The following WDPCP variants were observed in gnomAD, a reference collection of about 807,000 sequenced individuals.
WDPCP encodes WD repeat containing planar cell polarity effector, also known as WD repeat-containing and planar cell polarity effector protein fritz homolog.
WDPCP carries 71 observed loss-of-function variants against 93.1 expected under a neutral mutation model. The ratio of observed to expected loss-of-function variants is 0.76; its 90% CI spans 0.63 to 0.93. The LOEUF (loss-of-function observed/expected upper bound fraction) is 0.93. Among genes scored for constraint, WDPCP ranks in the 40% least tolerant of loss-of-function variants. The pLI is 0.00. For synonymous variants in WDPCP, 315 were observed against 315.0 expected, an observed-to-expected ratio of 1.00 and a Z score of 0.00; for missense variants, 844 against 887.4, an observed-to-expected ratio of 0.95 and a Z score of 0.62.
chr2:63,831,122 T>C (rs562581472), upstream of WDPCP, among the ~76,000 whole-genome samples: 2 of 152,252 alleles, frequency 1.3e-5, no homozygotes, highest in Admixed American at 1.3e-4. Context: ...AACAACTCCC[T>C]CCTCATCTAA....
In WDPCP at chr2:63,609,380, A is replaced by T. The variant is rs1035067707; in HGVS notation, n.488+41279T>A. Among the ~76,000 whole-genome samples the T allele has an allele frequency of 3.6e-4, 55 of 151,464 alleles. 1 individual carries two copies. The highest frequency in any genetic ancestry group is 1.2e-3 in the African/African-American group (51 of 41,240). On this transcript the variant is annotated intron_variant and non_coding_transcript_variant, in intron 3 of 4. Coordinates refer to the WDPCP transcript ENST00000467687. ...TTTCAAAACAAAACAACAACAACAA[A>T]ATATATATATATACACACACTAATA...
chr2:63,273,646 A>G (rs968989999), intron 13 of WDPCP, among the ~76,000 whole-genome samples: 1 of 152,176 alleles, frequency 6.6e-6, no homozygotes, highest in African/African-American at 2.4e-5. Context: ...GTGTTGCACA[A>G]ATGGAAACCA....
At chr2:63,512,959 T>G (rs938994179) in intron 1 of WDPCP, among the ~76,000 whole-genome samples, 2 of 151,776 alleles carry the variant, frequency 1.3e-5, no homozygotes, top group Non-Finnish European at 2.9e-5. Context: ...GAAAAAAGAA[T>G]TTCCAGAATA....
At chr2:63,134,559 A>T (rs1194333551) in intron 17 of WDPCP, among the ~76,000 whole-genome samples, 1 of 152,210 alleles carries the variant, frequency 6.6e-6, no homozygotes, top group Non-Finnish European at 1.5e-5. Flanking sequence ...TACTTGGCTT[A>T]TACTATGAGC....
chr2:63,472,799 A>G (rs961030448), intron 6 of WDPCP, among the ~76,000 whole-genome samples: 2 of 152,292 alleles, frequency 1.3e-5, no homozygotes, highest in Middle Eastern at 3.4e-3. Flanking sequence ...ACCTCAGGTG[A>G]TCCACCCACC....
At chr2:63,606,794 A>G (rs1709539187) in intron 3 of WDPCP, 14 of 1,287,428 alleles carry the variant, frequency 1.1e-5, no homozygotes, top group Non-Finnish European at 1.5e-5. Context: ...TATAAGTTCA[A>G]ACAAGGTTGT....
chr2:63,240,588 C>A (rs577302230), intron 14 of WDPCP, among the ~76,000 whole-genome samples: 23 of 152,266 alleles, frequency 1.5e-4, no homozygotes, highest in Non-Finnish European at 2.9e-4. Flanking sequence ...ACACTAGCTA[C>A]ATTGGACACG....
intron 1 of WDPCP, among the ~76,000 whole-genome samples, chr2:63,515,414 G>A (rs1702487348): frequency 6.6e-6 from 1 of 152,110 alleles, no homozygotes; most frequent in African/African-American, 2.4e-5. Flanking sequence ...ACACTCAAAA[G>A]TACTTTCTAT....
In WDPCP at chr2:63,658,844, A is replaced by G. The variant is rs1229423368; in HGVS notation, n.309-8006T>C. Among the ~76,000 whole-genome samples the G allele has an allele frequency of 2.0e-5, 3 of 152,324 alleles. No individual in the cohort carries two copies. In the East Asian group the frequency reaches 5.8e-4, roughly 29 times the overall value. On this transcript the variant is annotated intron_variant and non_coding_transcript_variant, in intron 2 of 4. Coordinates refer to the WDPCP transcript ENST00000467687. ...TCAGCTGGCCGACAGGCTCTGGTCC[A>G]CTGCTTTTGTTTCCTCAGTTCTCCT... is the stretch of plus-strand genomic sequence containing the variant.
intron 14 of WDPCP, among the ~76,000 whole-genome samples, chr2:63,222,032 G>T (rs755157990): frequency 1.1e-4 from 16 of 152,094 alleles, no homozygotes; most frequent in Admixed American, 1.3e-4. Context: ...TCACCACCAG[G>T]CTCTCAAAGA....
chr2:63,140,815 G>A (rs1327435804), intron 17 of WDPCP, among the ~76,000 whole-genome samples: 2 of 152,086 alleles, frequency 1.3e-5, no homozygotes, highest in Non-Finnish European at 2.9e-5. Context: ...TCTTTCTCTT[G>A]TCTGATTGCT....
chr2:63,595,300 C>A (rs907987672), intron 3 of WDPCP: 2 of 717,948 alleles, frequency 2.8e-6, no homozygotes, highest in African/African-American at 3.5e-5. Flanking sequence ...CTAAAATAAT[C>A]ATCATGACTA....
intron 3 of WDPCP, chr2:63,605,235 A>C: frequency 7.7e-7 from 1 of 1,291,824 alleles, no homozygotes; most frequent in Non-Finnish European, 1.1e-6. Flanking sequence ...AAACTTTGCT[A>C]TCATGACCAA....
At chr2:63,825,350 G>T (rs563040542) in intron 1 of WDPCP, among the ~76,000 whole-genome samples, 2 of 152,228 alleles carry the variant, frequency 1.3e-5, no homozygotes, top group Non-Finnish European at 2.9e-5. Context: ...ATATCTTGCT[G>T]AGTGGAAATA....
chr2:63,831,532 C>T (rs1671200474), upstream of WDPCP, among the ~76,000 whole-genome samples: 1 of 152,094 alleles, frequency 6.6e-6, no homozygotes, highest in African/African-American at 2.4e-5. Flanking sequence ...TGATACTATC[C>T]TTTTATATTG....
chr2:63,190,332 C>G (rs901538487), intron 14 of WDPCP, among the ~76,000 whole-genome samples: 10 of 150,236 alleles, frequency 6.7e-5, no homozygotes, highest in African/African-American at 2.0e-4. Flanking sequence ...ACTTGGGAGG[C>G]TGAATGGGAG....
intron 13 of WDPCP, among the ~76,000 whole-genome samples, chr2:63,301,313 T>C (rs1261123537): frequency 6.6e-6 from 1 of 152,230 alleles, no homozygotes; most frequent in Non-Finnish European, 1.5e-5. Flanking sequence ...CCATTCAGTC[T>C]CTACGTTCTT....
At chr2:63,745,058 A>T (rs550535543) in intron 2 of WDPCP, among the ~76,000 whole-genome samples, 2 of 152,222 alleles carry the variant, frequency 1.3e-5, no homozygotes, top group Non-Finnish European at 2.9e-5. Flanking sequence ...ATTTATGTTT[A>T]GTCTGGTTGT....
chr2:63,703,320 T>C (rs1300925019), intron 2 of WDPCP, among the ~76,000 whole-genome samples: 2 of 152,220 alleles, frequency 1.3e-5, no homozygotes, highest in Admixed American at 6.5e-5. Flanking sequence ...ATGGTTGAAC[T>C]AGTTTACAGT....
Sources: allele counts gnomAD v4.1 joint callset (sites outside exome capture counted in the v4.1 genomes callset), GRCh38; gene constraint gnomAD v4.1.1; transcripts MANE v1.5; gene names NCBI Gene and HGNC (gene_info 2026-07-23, HGNC 2026-07-21).